ATP9B: variants seen among roughly 807,000 people sequenced by gnomAD.
The protein encoded by ATP9B is ATPase phospholipid transporting 9B.
A neutral mutation model predicts 146.1 loss-of-function variants in ATP9B; 110 were observed. That is an observed-to-expected ratio of 0.75 (90% CI 0.65 to 0.88). The LOEUF is 0.88. Among genes scored for constraint, ATP9B ranks in the 40% least tolerant of loss-of-function variants. The probability of loss-of-function intolerance (pLI) is 0.00; values close to 1 mark genes in which losing one functional copy is unlikely to be tolerated. For missense variants in ATP9B, 1,499 were observed against 1,496.4 expected, an observed-to-expected ratio of 1.00 and a Z score of -0.03; for synonymous variants, 604 against 569.7, an observed-to-expected ratio of 1.06 and a Z score of -0.86.
intron 2 of ATP9B, among the ~76,000 whole-genome samples, chr18:79,105,583 A>G (rs980621744): frequency 6.6e-5 from 10 of 152,216 alleles, no homozygotes; most frequent in Admixed American, 3.9e-4. Flanking sequence ...TGTCTTTTAA[A>G]ACTTTGAATC....
rs1377423943 is a variant in ATP9B at position 79,214,057 on chromosome 18, C to G, written c.1107+19C>G. ...AAATAAGGTAGGCTAGATTGAGGAGCAACTGCTTTAATGAACTTATTTTTC... is the reference window on the plus strand; with the variant it reads ...AAATAAGGTAGGCTAGATTGAGGAGGAACTGCTTTAATGAACTTATTTTTC... On this transcript the variant is annotated intron_variant, in intron 11 of 29. Coordinates refer to ENST00000426216, the MANE Select transcript of ATP9B (RefSeq NM_198531.5). 1 of 1,551,300 alleles carries G rather than the reference C, an allele frequency of 6.4e-7. No homozygotes were observed. Among genetic ancestry groups the G allele is most frequent in the Admixed American group, 2.0e-5 (1 of 49,402 alleles).
chr18:79,313,612 C>G (rs2096664279), intron 15 of ATP9B, among the ~76,000 whole-genome samples: 1 of 152,110 alleles, frequency 6.6e-6, no homozygotes, highest in African/African-American at 2.4e-5. Flanking sequence ...ATTTTTTATT[C>G]AAAGTATCTG....
intron 12 of ATP9B, chr18:79,255,221 A>C (rs1464868055): frequency 6.6e-6 from 1 of 152,182 alleles, no homozygotes; most frequent in African/African-American, 2.4e-5. Flanking sequence ...TTGTCCTCAA[A>C]ATACCCCCCG....
chr18:79,101,333 A>G (rs75839234), intron 2 of ATP9B, among the ~76,000 whole-genome samples: 6 of 149,512 alleles, frequency 4.0e-5, no homozygotes, highest in Admixed American at 4.0e-4. Flanking sequence ...AAATTGTTCT[A>G]TTTTTTTTCC....
chr18:79,199,007 A>G (rs994120037), intron 9 of ATP9B, among the ~76,000 whole-genome samples: 1 of 152,008 alleles, frequency 6.6e-6, no homozygotes, highest in Admixed American at 6.6e-5. Context: ...GATGGAGTGC[A>G]GTGGCGCAAT....
chr18:79,107,540 G>A (rs1225039177), intron 2 of ATP9B, among the ~76,000 whole-genome samples: 2 of 152,150 alleles, frequency 1.3e-5, no homozygotes, highest in East Asian at 1.9e-4. Context: ...GCATTGTGCT[G>A]AGCCTTCGTA....
rs776220885 is a variant in ATP9B, at chr18:79,344,282, G to A, written c.2400G>A (p.Glu800=). 12 of 1,614,190 alleles carry A rather than the reference G, an allele frequency of 7.4e-6. No homozygotes were observed. The highest frequency in any genetic ancestry group is 1.0e-5 in the Non-Finnish European group (12 of 1,180,036). Reference sequence around the variant, plus strand: ...TAATGGAGGTAACCAGTCGGGGAGAGGCACATTTGGAGCTGAATGCATTTC... The same window carrying A: ...TAATGGAGGTAACCAGTCGGGGAGAAGCACATTTGGAGCTGAATGCATTTC... The part of the protein sequence containing the change: ...HIFRQVTSRG[E]AHLELNAFRR... The change falls in exon 21 of 30, where the codon GAG becomes GAA. Residue 800 remains glutamate (E), a synonymous_variant. Coordinates refer to ENST00000426216, the MANE Select transcript of ATP9B (RefSeq NM_198531.5).
At chr18:79,129,968 C>T (rs1281068256) in intron 5 of ATP9B, among the ~76,000 whole-genome samples, 1 of 152,184 alleles carries the variant, frequency 6.6e-6, no homozygotes, top group Non-Finnish European at 1.5e-5. Flanking sequence ...TCTCAAACTC[C>T]TGACCTCAGG....
chr18:79,104,678 A>G (rs2075533592), intron 2 of ATP9B, among the ~76,000 whole-genome samples: 1 of 152,210 alleles, frequency 6.6e-6, no homozygotes, highest in Non-Finnish European at 1.5e-5. Flanking sequence ...GGTAGCAGCA[A>G]AAACACCCGT....
chr18:79,112,297 G>A (rs1043583255), intron 3 of ATP9B, among the ~76,000 whole-genome samples: 2 of 152,158 alleles, frequency 1.3e-5, no homozygotes, highest in Admixed American at 6.5e-5. Flanking sequence ...TAATTGTAGT[G>A]TGCTGTTTGA....
rs146144348 is a variant in ATP9B at position 79,176,435 on chromosome 18, A to G, written c.779-378A>G. Among the ~76,000 whole-genome samples, 762 of 152,352 alleles carry G rather than the reference A, an allele frequency of 5.0e-3. 6 individuals carry two copies. The highest frequency in any genetic ancestry group is 0.017 in the African/African-American group (699 of 41,578). On this transcript the variant is annotated intron_variant, in intron 7 of 29. Coordinates refer to ENST00000426216, the MANE Select transcript of ATP9B (RefSeq NM_198531.5). ...TCTGGTATTTTATTAGCAAAATAAT[A>G]CTATACACTGTTGGATATTTTTGTG...
At chr18:79,087,725 C>G (rs1191614259) in intron 1 of ATP9B, 2 of 152,158 alleles carry the variant, frequency 1.3e-5, no homozygotes, top group Non-Finnish European at 2.9e-5. Flanking sequence ...GTAACTTTTA[C>G]TTAGTAACTT....
intron 7 of ATP9B, among the ~76,000 whole-genome samples, chr18:79,170,799 A>C (rs1207094453): frequency 6.6e-6 from 1 of 152,208 alleles, no homozygotes; most frequent in African/African-American, 2.4e-5. Context: ...TCGCCAGTAT[A>C]ATACTGAGTT....
At chr18:79,311,306 C>T (rs890232210) in intron 15 of ATP9B, among the ~76,000 whole-genome samples, 2 of 152,090 alleles carry the variant, frequency 1.3e-5, no homozygotes, top group African/African-American at 2.4e-5. Flanking sequence ...GTTTGATAAA[C>T]GGGTGAATGT....
chr18:79,108,650 G>A (rs948689518), intron 2 of ATP9B, among the ~76,000 whole-genome samples: 12 of 152,164 alleles, frequency 7.9e-5, no homozygotes, highest in South Asian at 4.1e-4. Context: ...CATCAGCCCC[G>A]TGAGCGAGCA....
chr18:79,317,049 T>A (rs1196121830), intron 15 of ATP9B, among the ~76,000 whole-genome samples: 1 of 152,196 alleles, frequency 6.6e-6, no homozygotes, highest in East Asian at 1.9e-4. Context: ...TGGAGAAATA[T>A]AAATTTCAAA....
At chr18:79,327,557 G>GTGCTCTCCGTGTTTAGCA (rs2096758314) in intron 15 of ATP9B, among the ~76,000 whole-genome samples, 1 of 129,488 alleles carries the variant, frequency 7.7e-6, no homozygotes, top group African/African-American at 3.1e-5. Flanking sequence ...CGTGGTTAGC[G>GTGCTCTCCGTGTTTAGCA]TGCTCTCCGT....
chr18:79,104,532 T>G (rs542229481), intron 2 of ATP9B, among the ~76,000 whole-genome samples: 1 of 152,278 alleles, frequency 6.6e-6, no homozygotes, highest in Non-Finnish European at 1.5e-5. Flanking sequence ...TTAAATAGAT[T>G]ATTGAACTAA....
At chr18:79,124,027 G>A (rs1362205077) in intron 4 of ATP9B, among the ~76,000 whole-genome samples, 2 of 152,232 alleles carry the variant, frequency 1.3e-5, no homozygotes, top group Middle Eastern at 3.2e-3. Context: ...TGGTGAGGAT[G>A]TGGAGACATT....
Sources: allele counts gnomAD v4.1 joint callset (sites outside exome capture counted in the v4.1 genomes callset), GRCh38; gene constraint gnomAD v4.1.1; transcripts MANE v1.5; gene names NCBI Gene and HGNC (gene_info 2026-07-23, HGNC 2026-07-21).